Variants in DNAH3 observed in about 807,000 individuals in gnomAD.
DNAH3 encodes the protein dynein axonemal heavy chain 3.
In DNAH3, 332 loss-of-function variants were observed where a neutral mutation model predicts 432.5. The ratio of observed to expected loss-of-function variants is 0.77; its 90% CI spans 0.70 to 0.84. DNAH3 has a LOEUF of 0.84. Ranked by LOEUF, DNAH3 falls within the 40% of genes least tolerant of loss-of-function variation. The probability of loss-of-function intolerance (pLI) is 0.00; values close to 1 mark genes in which losing one functional copy is unlikely to be tolerated. For synonymous variants in DNAH3, 1,956 were observed against 1,900.2 expected (o/e 1.03, Z -0.76); for missense variants, 4,861 against 5,114.0 (o/e 0.95, Z 1.51).
chr16:21,142,638 C>A (rs1192114782), intron 3 of DNAH3, among the ~76,000 whole-genome samples: 1 of 150,282 alleles, frequency 6.7e-6, no homozygotes, highest in Non-Finnish European at 1.5e-5. Context: ...CCACATATAA[C>A]AACAATACAA....
intron 32 of DNAH3, among the ~76,000 whole-genome samples, chr16:21,040,250 T>A (rs954259661): frequency 4.0e-5 from 6 of 150,914 alleles, no homozygotes; most frequent in African/African-American, 1.5e-4. Flanking sequence ...TGAGGACACC[T>A]CATAGCATCA....
chr16:21,141,955 G>A (rs1464004867), intron 3 of DNAH3, among the ~76,000 whole-genome samples: 2 of 152,180 alleles, frequency 1.3e-5, no homozygotes, highest in Non-Finnish European at 2.9e-5. Flanking sequence ...GGGAGGCTGA[G>A]GCAGGGAGAA....
At chr16:21,097,571 T>C (rs2152791753) in intron 17 of DNAH3, 72 bp from the exon 18 acceptor site, 4 of 1,575,094 alleles carry the variant, frequency 2.5e-6, no homozygotes, top group East Asian at 4.5e-5. Context: ...CCAGGGCAAA[T>C]TCCTCAGTGC....
At chr16:21,035,748 A>ATGAG (rs1740230474) in intron 35 of DNAH3, among the ~76,000 whole-genome samples, 2 of 152,172 alleles carry the variant, frequency 1.3e-5, no homozygotes, top group African/African-American at 4.8e-5. Flanking sequence ...GGGGTTCAAA[A>ATGAG]TTGGGTTAAA....
chr16:21,117,214 A>G (rs1343614719), exon 12 of DNAH3: 2 of 1,602,476 alleles, frequency 1.2e-6, no homozygotes, highest in African/African-American at 1.3e-5. Context: ...TGCAGGGGCC[A>G]ACTTGATTTT....
chr16:21,145,161 T>G lies in DNAH3; in HGVS notation c.448+20A>C, dbSNP rs567853306. On this transcript the variant is annotated intron_variant, in intron 3 of 61. Transcript: ENST00000261383. ...CCTCCAAAGCCCCATTCTGCAAGGG[T>G]GTGACACTGCCACAAGTACCTGATG... 1.9e-4 allele frequency: 296 copies of G among 1,586,232 alleles called. 3 individuals are homozygous for G. The South Asian group carries it at 3.0e-3, about 16-fold the overall frequency.
intron 41 of DNAH3, among the ~76,000 whole-genome samples, chr16:21,013,719 CA>C (rs557641711): frequency 2.0e-3 from 97 of 47,416 alleles, no homozygotes; most frequent in South Asian, 4.5e-3. Context: ...AACTCCATCT[CA>C]AAAAAAAAAA....
chr16:21,008,613 CA>C (rs1340974840), intron 41 of DNAH3, among the ~76,000 whole-genome samples: 2 of 152,190 alleles, frequency 1.3e-5, no homozygotes, highest in Non-Finnish European at 2.9e-5. Flanking sequence ...CAGCATCACA[CA>C]GGGGCTTCCA....
chr16:20,969,086 CTGTGTGTGTGTGTGTGTGTGTG>C (rs56928155), intron 52 of DNAH3, among the ~76,000 whole-genome samples: 1 of 146,360 alleles, frequency 6.8e-6, no homozygotes, highest in Admixed American at 6.9e-5. Flanking sequence ...TTTTCTTTCT[CTGTGTGTGTGTGTGTGTGTGTG>C]TGTGTGTGTG....
chr16:21,031,314 T>C (rs1260832967), intron 36 of DNAH3, 28 bp from the exon 37 acceptor site: 16 of 1,613,546 alleles, frequency 9.9e-6, no homozygotes, highest in Non-Finnish European at 1.3e-5. Context: ...ACACCAGTTA[T>C]AAAGGCTCTG....
At chr16:21,033,873 T>G in intron 36 of DNAH3, 101 bp downstream of exon 36, 1 of 734,020 alleles carries the variant, frequency 1.4e-6, no homozygotes, top group South Asian at 1.7e-5. Flanking sequence ...GACGTCACGA[T>G]CGAGGCCTGA....
chr16:21,122,909 C>T (rs1450079581), intron 9 of DNAH3, among the ~76,000 whole-genome samples: 2 of 152,206 alleles, frequency 1.3e-5, no homozygotes, highest in Admixed American at 1.3e-4. Context: ...GCCTCAGCCT[C>T]CCAAAGTGCT....
At chr16:21,042,384 T>G (rs2089484251) in intron 31 of DNAH3, among the ~76,000 whole-genome samples, 181 bp from the exon 32 acceptor site, 2 of 152,174 alleles carry the variant, frequency 1.3e-5, no homozygotes, top group South Asian at 4.1e-4. Flanking sequence ...GGTTTGTGCA[T>G]GTGTGCATGT....
At chr16:21,007,476 G>A (rs1049288873) in intron 41 of DNAH3, among the ~76,000 whole-genome samples, 2 of 152,108 alleles carry the variant, frequency 1.3e-5, no homozygotes, top group African/African-American at 4.8e-5. Context: ...ACTTCCCAAA[G>A]GCATGAGCCC....
exon 27 of DNAH3, chr16:21,058,170 C>G (rs1001440516): frequency 1.2e-6 from 2 of 1,613,422 alleles, no homozygotes; most frequent in African/African-American, 2.7e-5. Flanking sequence ...GTCCAGGCCA[C>G]TGTAAGACCC....
intron 47 of DNAH3, among the ~76,000 whole-genome samples, chr16:20,986,082 C>T (rs2086181236): frequency 6.6e-6 from 1 of 151,970 alleles, no homozygotes; most frequent in Admixed American, 6.6e-5. Context: ...CCTGAAACTC[C>T]TGATATCAGG....
chr16:21,152,779 T>A (rs1220081028), intron 1 of DNAH3, among the ~76,000 whole-genome samples: 52 of 152,214 alleles, frequency 3.4e-4, no homozygotes. Context: ...CCCCCAGCAG[T>A]GCTAGCCCAC....
At chr16:21,109,587 T>TA (rs1331695739) in intron 14 of DNAH3, among the ~76,000 whole-genome samples, 1 of 152,278 alleles carries the variant, frequency 6.6e-6, no homozygotes, top group South Asian at 2.1e-4. Flanking sequence ...TGATTATTAC[T>TA]AAATCATTTT....
chr16:21,058,103 C>G, exon 27 of DNAH3: 1 of 1,609,532 alleles, frequency 6.2e-7, no homozygotes, highest in South Asian at 1.1e-5. Context: ...GTATTTTCCG[C>G]CAGGGCTTGG....
Sources: allele counts gnomAD v4.1 joint callset (sites outside exome capture counted in the v4.1 genomes callset), GRCh38; gene constraint gnomAD v4.1.1; transcripts MANE v1.5; gene names NCBI Gene and HGNC (gene_info 2026-07-23, HGNC 2026-07-21).